OXNAD1: variants seen among roughly 807,000 people sequenced by gnomAD.
OXNAD1 encodes the protein oxidoreductase NAD binding domain containing 1.
OXNAD1 carries 34 observed loss-of-function variants against 32.9 expected under a neutral mutation model. The observed-to-expected ratio is 1.03, with a 90% CI of 0.79 to 1.38. The LOEUF is 1.38. Among genes scored for constraint, OXNAD1 ranks in the 40% most tolerant of loss-of-function variants. OXNAD1 has a pLI of 0.00. For synonymous variants in OXNAD1, 134 were observed against 135.2 expected (o/e 0.99, Z 0.06); for missense variants, 407 against 379.4 (o/e 1.07, Z -0.60).
Position 16,265,958 on chromosome 3 carries a change from GCA to G in OXNAD1, c.-159+454_-159+455del. 1 of 950,590 alleles carries G rather than the reference GCA, an allele frequency of 1.1e-6. No individual in the cohort carries two copies. Among genetic ancestry groups the G allele is most frequent in the Non-Finnish European group, 1.3e-6 (1 of 798,236 alleles). The allele number at this position is 950,590 out of a possible 1,614,324, so 58.9% of individuals were successfully genotyped here. A position where few individuals can be genotyped will look rare whatever the true frequency, so the allele number is the denominator to read the frequency against. ...CCTTGAAGCGAAATGCAGATAAAAG[GCA>G]TTTTTGTCTTGAAAGCAGTGCTAGT... On this transcript the variant is annotated intron_variant, in intron 1 of 8. Coordinates refer to ENST00000285083, the MANE Select transcript of OXNAD1 (RefSeq NM_138381.5). The surrounding 1 kb of genome is among the most constrained non-coding windows in gnomAD (Gnocchi z 4.8).
At chr3:16,285,795 C>G (rs914657485) in intron 4 of OXNAD1, among the ~76,000 whole-genome samples, 5 of 152,152 alleles carry the variant, frequency 3.3e-5, no homozygotes, top group African/African-American at 1.2e-4. Context: ...AATGCAAACC[C>G]ATTTTGTTTT....
In OXNAD1 at chr3:16,327,761, C is replaced by CA. The variant is rs35510968; in HGVS notation, c.*31-9340dup. ...GGGTGACAGAGCGGGATTCCCATCT[C>CA]AAAAAAAAAAACAAAACGAAAAAAA... On this transcript the variant is annotated intron_variant, in intron 9 of 9. Transcript: ENST00000435829. The surrounding 1 kb of genome is among the most constrained non-coding windows in gnomAD (Gnocchi z 4.2). 6.1e-4 allele frequency among the ~76,000 whole-genome samples: 89 copies of CA among 145,630 alleles called. No homozygotes were observed. The highest frequency in any genetic ancestry group is 2.4e-3 in the South Asian group (11 of 4,498).
intron 9 of OXNAD1, among the ~76,000 whole-genome samples, chr3:16,343,335 C>G (rs897518422): frequency 1.3e-5 from 2 of 152,220 alleles, no homozygotes; most frequent in African/African-American, 4.8e-5. Flanking sequence ...CATACACTCT[C>G]CAATTAGACC....
chr3:16,316,452 A>T lies in OXNAD1; in HGVS notation c.*30+12860A>T, dbSNP rs115949587. 9,305 of 290,188 alleles carry T rather than the reference A, an allele frequency of 0.032. 222 individuals carry two copies. The highest frequency in any genetic ancestry group is 0.088 in the Middle Eastern group (78 of 890). 18.0% of individuals were successfully genotyped at this position (290,188 alleles called of 1,614,324 possible). A position where few individuals can be genotyped will look rare whatever the true frequency, so the allele number is the denominator to read the frequency against. ...GGGATGAACAGCAGCCTTGGTTTGT[A>T]GCCCAGGGTGTCCATGGATTTGACC... On this transcript the variant is annotated intron_variant, in intron 9 of 9. Transcript: ENST00000435829. This position sits in a 1 kb window ranked among gnomAD's most constrained non-coding sequence, Gnocchi z 4.5.
In OXNAD1 at chr3:16,344,389, AAAC is replaced by A. The variant is rs762397133; in HGVS notation, c.*31-4782_*31-4780del. ...AGGCATCAACTATAATCTAATTTAG[AAAC>A]AACATGTAAAAACAGATACATTCAG... is the stretch of plus-strand genomic sequence containing the variant. On this transcript the variant is annotated intron_variant, in intron 9 of 9. Transcript: ENST00000606098. This position sits in a 1 kb window ranked among gnomAD's most constrained non-coding sequence, Gnocchi z 4.4. Among the ~76,000 whole-genome samples the A allele has an allele frequency of 2.0e-5, 3 of 152,072 alleles. No homozygotes were observed. Among genetic ancestry groups the A allele is most frequent in the Non-Finnish European group, 2.9e-5 (2 of 68,032 alleles).
downstream of OXNAD1, among the ~76,000 whole-genome samples, chr3:16,310,623 C>T (rs1013101753): frequency 3.9e-5 from 6 of 152,178 alleles, no homozygotes; most frequent in Non-Finnish European, 7.3e-5. Context: ...CCAGTCCCTA[C>T]AGTTGACAAC....
intron 4 of OXNAD1, among the ~76,000 whole-genome samples, chr3:16,274,511 A>T (rs2065187492): frequency 6.6e-6 from 1 of 152,254 alleles, no homozygotes; most frequent in African/African-American, 2.4e-5. Context: ...ACTGAGGATA[A>T]TGCAATAGTT....
In OXNAD1 at chr3:16,265,424, A is replaced by T. The variant is rs2124941706; in HGVS notation, c.-240A>T. The T allele has an allele frequency of 6.5e-6, 1 of 154,432 alleles. No homozygotes were observed. The highest frequency in any genetic ancestry group is 1.4e-5 in the Non-Finnish European group (1 of 69,012). The allele number at this position is 154,432 out of a possible 1,614,324, so 9.6% of individuals were successfully genotyped here. Reference sequence around the variant, plus strand: ...CCTCGACCTCCCTTCCTGGTGACGGACGAACAGTTCCCGTAGAATTTCGCT... The same window carrying T: ...CCTCGACCTCCCTTCCTGGTGACGGTCGAACAGTTCCCGTAGAATTTCGCT... On this transcript the variant is annotated 5_prime_UTR_variant, in exon 1 of 9. Coordinates refer to ENST00000285083, the MANE Select transcript of OXNAD1 (RefSeq NM_138381.5). The surrounding 1 kb of genome is among the most constrained non-coding windows in gnomAD (Gnocchi z 4.8).
rs953577902 is a variant in OXNAD1 at position 16,299,410 on chromosome 3, A to C, written c.433-2216A>C. On this transcript the variant is annotated intron_variant, in intron 6 of 8. Coordinates refer to ENST00000285083, the MANE Select transcript of OXNAD1 (RefSeq NM_138381.5). This position sits in a 1 kb window ranked among gnomAD's most constrained non-coding sequence, Gnocchi z 4.4. Reference sequence around the variant, plus strand: ...CCTAACTGAATGCTCCCTTGCTGCTAATTTCTTTTGTCAAAAATGAAAACC... The same window carrying C: ...CCTAACTGAATGCTCCCTTGCTGCTCATTTCTTTTGTCAAAAATGAAAACC... Among the ~76,000 whole-genome samples the C allele has an allele frequency of 2.0e-5, 3 of 152,162 alleles. No individual in the cohort carries two copies. The highest frequency in any genetic ancestry group is 2.0e-4 in the Admixed American group (3 of 15,264).
Position 16,298,585 on chromosome 3 carries a change from T to C in OXNAD1, c.433-3041T>C, listed in dbSNP as rs1166240598. Among the ~76,000 whole-genome samples the C allele has an allele frequency of 6.6e-6, 1 of 152,170 alleles. No homozygotes were observed. The highest frequency in any genetic ancestry group is 2.4e-5 in the African/African-American group (1 of 41,452). On this transcript the variant is annotated intron_variant, in intron 6 of 8. Coordinates refer to ENST00000285083, the MANE Select transcript of OXNAD1 (RefSeq NM_138381.5). This position sits in a 1 kb window ranked among gnomAD's most constrained non-coding sequence, Gnocchi z 5.1. ...AATCATTTTCAGGTGGCTATTTTCC[T>C]CCTGAGGATTTGTCTTATTAAGCCA...
chr3:16,292,988 T>C (rs1378564701), intron 5 of OXNAD1, among the ~76,000 whole-genome samples: 1 of 152,216 alleles, frequency 6.6e-6, no homozygotes, highest in Non-Finnish European at 1.5e-5. Flanking sequence ...TTTTTCAAGA[T>C]TGTTTTGATG....
Position 16,346,689 on chromosome 3 carries a change from G to T in OXNAD1, c.*31-2487G>T, listed in dbSNP as rs2071743282. On this transcript the variant is annotated intron_variant, in intron 9 of 9. Coordinates refer to the OXNAD1 transcript ENST00000606098. The surrounding 1 kb of genome is among the most constrained non-coding windows in gnomAD (Gnocchi z 4.4). ...GAGACCTGAGGAAATCTCTGTTGTG[G>T]GTTTCTGGGAAAGCTTTTACTTGCT... 6.6e-6 allele frequency among the ~76,000 whole-genome samples: 1 copy of T among 152,274 alleles called. No individual in the cohort carries two copies. Among genetic ancestry groups the T allele is most frequent in the Admixed American group, 6.5e-5 (1 of 15,302 alleles).
intron 4 of OXNAD1, among the ~76,000 whole-genome samples, chr3:16,282,411 T>C (rs903707998): frequency 8.5e-5 from 13 of 152,210 alleles, no homozygotes; most frequent in African/African-American, 2.6e-4. Flanking sequence ...CAATCTTTGT[T>C]CTGAAAAACC....
chr3:16,315,578 T>G (rs570264386), intron 9 of OXNAD1: 1 of 152,246 alleles, frequency 6.6e-6, no homozygotes, highest in African/African-American at 2.4e-5. Flanking sequence ...AAAAGGTATT[T>G]GTCTCCACCA....
chr3:16,319,941 G>A (rs1317800603), intron 9 of OXNAD1, among the ~76,000 whole-genome samples: 8 of 152,024 alleles, frequency 5.3e-5, no homozygotes. Flanking sequence ...TAACCAGCAA[G>A]CCGCAGATAA....
In OXNAD1 at chr3:16,299,073, A is replaced by G. The variant is rs527898243; in HGVS notation, c.433-2553A>G. ...TTCCCTGGGGCACATTTTCTTGCCAACTTTAGAGTTGAAAATACTCTGGTT... is the reference window on the plus strand; with the variant it reads ...TTCCCTGGGGCACATTTTCTTGCCAGCTTTAGAGTTGAAAATACTCTGGTT... On this transcript the variant is annotated intron_variant, in intron 6 of 8. Transcript: ENST00000285083. This position sits in a 1 kb window ranked among gnomAD's most constrained non-coding sequence, Gnocchi z 4.4. Among the ~76,000 whole-genome samples the G allele has an allele frequency of 3.9e-5, 6 of 152,328 alleles. No homozygotes were observed. Among genetic ancestry groups the G allele is most frequent in the African/African-American group, 9.6e-5 (4 of 41,586 alleles).
In OXNAD1 at chr3:16,303,498, T is replaced by C; in HGVS notation, c.875T>C (p.Phe292Ser). The change falls in exon 9 of 9, where the codon TTC becomes TCC. Residue 292 changes from phenylalanine (F) to serine (S), a missense_variant. By Grantham distance (155) the Phe-to-Ser change is radical. Coordinates refer to ENST00000285083, the MANE Select transcript of OXNAD1 (RefSeq NM_138381.5). This position sits in a 1 kb window ranked among gnomAD's most constrained non-coding sequence, Gnocchi z 4.8. ...GGCCCACCTCCAATGACAGACTTTT[T>C]CTCCAAGCAACTGGAAAACAACCAT... ...ICGPPPMTDFFSKQLENNHVP... is the reference protein window; with the variant it reads ...ICGPPPMTDFSSKQLENNHVP... The C allele has an allele frequency of 1.2e-6, 2 of 1,614,082 alleles. No homozygotes were observed. Among genetic ancestry groups the C allele is most frequent in the Non-Finnish European group, 1.7e-6 (2 of 1,179,972 alleles).
At chr3:16,337,974 AAG>A (rs1310634643), downstream of OXNAD1, among the ~76,000 whole-genome samples, 7 of 152,158 alleles carry the variant, frequency 4.6e-5, no homozygotes, top group African/African-American at 1.7e-4. This position sits in a 1 kb window ranked among gnomAD's most constrained non-coding sequence, Gnocchi z 5.0. Context: ...CTTGCCCTGG[AAG>A]AGAGAGATAA....
chr3:16,301,873 G>GGGA lies in OXNAD1; in HGVS notation c.675+8_675+10dup. 1 of 1,612,586 alleles carries GGGA rather than the reference G, an allele frequency of 6.2e-7. No homozygotes were observed. Among genetic ancestry groups the GGGA allele is most frequent in the South Asian group, 1.1e-5 (1 of 90,992 alleles). On this transcript the variant is annotated splice_donor_region_variant and intron_variant, in intron 7 of 8. Transcript: ENST00000285083. The surrounding 1 kb of genome is among the most constrained non-coding windows in gnomAD (Gnocchi z 4.1). ...ACCAGCGAACTCCTGTTTAAGGTAA[G>GGGA]GGAGGTATAGCTTGCTGTAAGCAAA...
Sources: allele counts gnomAD v4.1 joint callset (sites outside exome capture counted in the v4.1 genomes callset), GRCh38; gene constraint gnomAD v4.1.1; non-coding constraint Gnocchi (gnomAD v3.1); transcripts MANE v1.5; gene names NCBI Gene and HGNC (gene_info 2026-07-23, HGNC 2026-07-21).